Variants in DDX25 observed in about 807,000 individuals in gnomAD.
The protein encoded by DDX25 is DEAD-box helicase 25.
Under a neutral mutation model 64.6 loss-of-function variants are expected in DDX25, and 70 were observed. That is an observed-to-expected ratio of 1.08 (90% confidence interval 0.89 to 1.32). DDX25 has a LOEUF of 1.32. Among genes scored for constraint, DDX25 ranks in the 40% most tolerant of loss-of-function variants. The pLI is 0.00. For synonymous variants in DDX25, 211 were observed against 213.3 expected, an observed-to-expected ratio of 0.99 and a Z score of 0.09; for missense variants, 587 against 604.4, an observed-to-expected ratio of 0.97 and a Z score of 0.30.
chr11:125,915,385 A>G (rs1318791958), intron 8 of DDX25, among the ~76,000 whole-genome samples: 1 of 152,218 alleles, frequency 6.6e-6, no homozygotes, highest in African/African-American at 2.4e-5. Context: ...CTCTTCAACA[A>G]GTTAATCAAT....
upstream of DDX25, among the ~76,000 whole-genome samples, chr11:125,904,128 C>A (rs543037785): frequency 2.0e-3 from 312 of 152,354 alleles, 2 homozygotes; most frequent in African/African-American, 6.6e-3. Context: ...GGGAAACCGA[C>A]ACGGGGCGTA....
intron 10 of DDX25, among the ~76,000 whole-genome samples, chr11:125,920,651 A>C (rs2134284852): frequency 6.6e-6 from 1 of 152,262 alleles, no homozygotes; most frequent in African/African-American, 2.4e-5. Flanking sequence ...TGTGCTGGAC[A>C]TTGCTGTGGT....
At chr11:125,904,322 C>CGCCCCGCTCTCTGCCCCT (rs1944842195), upstream of DDX25, 9 of 403,724 alleles carry the variant, frequency 2.2e-5, no homozygotes, top group African/African-American at 1.7e-4. Context: ...TCTCTGCCCC[C>CGCCCCGCTCTCTGCCCCT]CGCCCCGCTC....
chr11:125,904,461 A>G, upstream of DDX25: 4 of 1,438,260 alleles, frequency 2.8e-6, no homozygotes, highest in African/African-American at 1.5e-5. Flanking sequence ...TGGGGCCAGC[A>G]CCGCCTCGCG....
intron 9 of DDX25, among the ~76,000 whole-genome samples, chr11:125,917,522 T>C (rs370225327): frequency 4.6e-5 from 7 of 152,280 alleles, no homozygotes; most frequent in African/African-American, 1.4e-4. Flanking sequence ...TTTCAGCTTA[T>C]GTTTATTGTA....
Position 125,910,376 on chromosome 11 carries a change from G to T in DDX25, c.520G>T (p.Ala174Ser). The T allele has an allele frequency of 1.2e-6, 2 of 1,613,852 alleles. No individual in the cohort carries two copies. ...CTCTATCCCACAGTGCCTCTGCCTA[G>T]CTCCTACTTATGAATTGGCTCTGCA... ...LELFPQCLCL[A>S]PTYELALQTG... Residue 174 changes from alanine (A) to serine (S), a missense_variant, in exon 7 of 12, where the codon GCT becomes TCT. Physicochemically the swap from Ala to Ser is moderately conservative, Grantham distance 99 (BLOSUM62 1). Coordinates refer to ENST00000263576, the MANE Select transcript of DDX25 (RefSeq NM_013264.5).
chr11:125,904,744 A>G, intron 1 of DDX25, 164 bp downstream of exon 1: 3 of 829,584 alleles, frequency 3.6e-6, no homozygotes, highest in Non-Finnish European at 5.6e-6. Context: ...ACAGAGGGAG[A>G]CCCCGTCCCC....
chr11:125,904,808 G>T, intron 1 of DDX25: 1 of 588,276 alleles, frequency 1.7e-6, no homozygotes, highest in Middle Eastern at 2.6e-4. Flanking sequence ...GACGACCCCT[G>T]GAAATCCAGG....
chr11:125,907,198 A>T (rs1194160278), intron 4 of DDX25, among the ~76,000 whole-genome samples: 4 of 152,224 alleles, frequency 2.6e-5, no homozygotes, highest in Non-Finnish European at 5.9e-5. Context: ...AAAGGGTAAA[A>T]ATCCAAAATC....
Position 125,925,333 on chromosome 11 carries a change from C to T in DDX25, c.*2452C>T. 1 of 444,434 alleles carries T rather than the reference C, an allele frequency of 2.3e-6. No homozygotes were observed. The highest frequency in any genetic ancestry group is 1.6e-5 in the South Asian group (1 of 63,694). 27.5% of individuals were successfully genotyped at this position (444,434 alleles called of 1,614,324 possible). The stretch of plus-strand genomic sequence containing the variant: ...AGGTATTTTTCTGCGTTCCCTTTTG[C>T]CCCCTCCTCACGTCCCTTTGTCTCA... On this transcript the variant is annotated 3_prime_UTR_variant, in exon 12 of 12. Coordinates refer to ENST00000263576, the MANE Select transcript of DDX25 (RefSeq NM_013264.5).
chr11:125,906,827 A>AAAC (rs1944895304), intron 4 of DDX25, among the ~76,000 whole-genome samples: 1 of 151,292 alleles, frequency 6.6e-6, no homozygotes, highest in Non-Finnish European at 1.5e-5. Context: ...CCGTCTCAAA[A>AAAC]AAAAAAAAAA....
At chr11:125,904,389 C>A (rs950743610), upstream of DDX25, 11 of 888,472 alleles carry the variant, frequency 1.2e-5, no homozygotes, top group East Asian at 1.7e-4. Flanking sequence ...CGCGCCGCAC[C>A]GCGGTGGTCG....
chr11:125,919,066 C>T (rs893081312), intron 10 of DDX25, among the ~76,000 whole-genome samples: 2 of 152,088 alleles, frequency 1.3e-5, no homozygotes, highest in African/African-American at 4.8e-5. Context: ...CTTTGTGTAA[C>T]TTCCTCCACC....
At position 125,904,547 on chromosome 11, in the gene DDX25, A is replaced by C; in HGVS notation, c.30A>C (p.Ala10=). The change falls in exon 1 of 12, where the codon GCA becomes GCC. Residue 10 remains alanine (A), a synonymous_variant. Coordinates refer to ENST00000263576, the MANE Select transcript of DDX25 (RefSeq NM_013264.5). MASLLWGGD[A]GAAESERLNS... ...CGTCGTTACTGTGGGGAGGCGACGC[A>C]GGGGCGGCGGAGAGCGAGCGGCTGA... 2.0e-6 allele frequency: 3 copies of C among 1,498,642 alleles called. No individual in the cohort carries two copies. Among genetic ancestry groups the C allele is most frequent in the Non-Finnish European group, 2.7e-6 (3 of 1,124,302 alleles). 92.8% of individuals were successfully genotyped at this position (1,498,642 alleles called of 1,614,324 possible).
chr11:125,914,292 G>A (rs926305752), intron 8 of DDX25, among the ~76,000 whole-genome samples: 5 of 152,184 alleles, frequency 3.3e-5, no homozygotes, highest in African/African-American at 7.2e-5. Flanking sequence ...ACTGTGTGAC[G>A]ATTGTCATCT....
chr11:125,921,719 T>C lies in DDX25; in HGVS notation c.1390+340T>C, dbSNP rs2134286042. 1 of 196,344 alleles carries C rather than the reference T, an allele frequency of 5.1e-6. No individual in the cohort carries two copies. Among genetic ancestry groups the C allele is most frequent in the South Asian group, 1.2e-4 (1 of 8,440 alleles). 12.2% of individuals were successfully genotyped at this position (196,344 alleles called of 1,614,324 possible). On this transcript the variant is annotated intron_variant, in intron 11 of 11. Coordinates refer to ENST00000263576, the MANE Select transcript of DDX25 (RefSeq NM_013264.5). This position sits in a 1 kb window ranked among gnomAD's most constrained non-coding sequence, Gnocchi z 4.1. ...TCCTGGCCAACATGGTAAAACCCCA[T>C]CTCTACTAACAATACAAAAATTAGC...
rs926293108 is a variant in DDX25 at position 125,921,562 on chromosome 11, A to G, written c.1390+183A>G. 3.1e-6 allele frequency: 2 copies of G among 640,844 alleles called. No homozygotes were observed. Among genetic ancestry groups the G allele is most frequent in the African/African-American group, 3.6e-5 (2 of 54,822 alleles). The allele number at this position is 640,844 out of a possible 1,614,324, so 39.7% of individuals were successfully genotyped here. ...AGACAGATGATTAAATAATGCTTAT[A>G]TGGTAATTAAAAATTATTTTGATCA... On this transcript the variant is annotated intron_variant, in intron 11 of 11. Transcript: ENST00000263576. The surrounding 1 kb of genome is among the most constrained non-coding windows in gnomAD (Gnocchi z 4.1).
At chr11:125,920,688 T>C (rs1945098281) in intron 10 of DDX25, among the ~76,000 whole-genome samples, 2 of 150,250 alleles carry the variant, frequency 1.3e-5, no homozygotes, top group Admixed American at 1.3e-4. Flanking sequence ...ATGAGAGGAG[T>C]AGGGGAAGAG....
In DDX25 at chr11:125,905,612, C is replaced by A; in HGVS notation, c.175+15C>A. 6.5e-7 allele frequency: 1 copy of A among 1,548,966 alleles called. No individual in the cohort carries two copies. The highest frequency in any genetic ancestry group is 8.7e-7 in the Non-Finnish European group (1 of 1,144,644). On this transcript the variant is annotated intron_variant, in intron 3 of 11. Coordinates refer to ENST00000263576, the MANE Select transcript of DDX25 (RefSeq NM_013264.5). ...AGAAGATGTAGGTAGGAGATGAATT[C>A]ATTTGCATGTATCTACTAGCATTCT...
Sources: gnomAD v4.1 joint callset for allele counts (sites outside exome capture counted in the v4.1 genomes callset) on GRCh38, gnomAD v4.1.1 for gene constraint, Gnocchi (gnomAD v3.1) non-coding constraint, MANE v1.5 for transcripts, NCBI Gene and HGNC (gene_info 2026-07-23, HGNC 2026-07-21) for gene names.